PCDHA8: variants seen among roughly 807,000 people sequenced by gnomAD.
The protein encoded by PCDHA8 is protocadherin alpha-8.
A neutral mutation model predicts 61.8 loss-of-function variants in PCDHA8; 53 were observed. That is an observed-to-expected ratio of 0.86 (90% CI 0.69 to 1.08). The LOEUF is 1.08. Among genes scored for constraint, PCDHA8 ranks in the 50% least tolerant of loss-of-function variants. The pLI is 0.00. For synonymous variants in PCDHA8, 618 were observed against 556.6 expected (o/e 1.11, Z -1.55); for missense variants, 1,293 against 1,245.0 (o/e 1.04, Z -0.58).
chr5:140,843,154 G>T lies in PCDHA8; in HGVS notation c.1833G>T (p.Leu611=). The part of the protein sequence containing the change: ...SGYNAWLSYE[L]QPAASSPRIP... ...ACAACGCGTGGCTTTCGTATGAGCT[G>T]CAGCCAGCTGCAAGCAGCCCTCGCA... Residue 611 remains leucine (L), a synonymous_variant, in exon 1 of 4, where the codon CTG becomes CTT. Coordinates refer to ENST00000531613, the MANE Select transcript of PCDHA8 (RefSeq NM_018911.3). 3 of 1,596,128 alleles carry T rather than the reference G, an allele frequency of 1.9e-6. No individual in the cohort carries two copies. The highest frequency in any genetic ancestry group is 2.6e-6 in the Non-Finnish European group (3 of 1,165,614).
intron 3 of PCDHA8, among the ~76,000 whole-genome samples, chr5:140,996,394 G>A (rs2097724789): frequency 6.6e-6 from 1 of 152,192 alleles, no homozygotes; most frequent in Non-Finnish European, 1.5e-5. Context: ...GCCTCATAGA[G>A]TTTCAGGTGG....
chr5:140,883,649 A>T, intron 1 of PCDHA8: 1 of 1,613,516 alleles, frequency 6.2e-7, no homozygotes, highest in South Asian at 1.1e-5. Context: ...GCCCGAGTAC[A>T]CGGTGTTCGT....
At chr5:140,935,358 A>C (rs2090329846) in intron 1 of PCDHA8, among the ~76,000 whole-genome samples, 1 of 152,220 alleles carries the variant, frequency 6.6e-6, no homozygotes, top group East Asian at 1.9e-4. Context: ...CCCAGTTTTC[A>C]TTAACGTCAA....
chr5:140,871,092 C>A (rs575877743), intron 1 of PCDHA8: 2 of 1,613,142 alleles, frequency 1.2e-6, no homozygotes, highest in Admixed American at 1.7e-5. Flanking sequence ...CCACGGCCAC[C>A]GTGCTGGTGT....
intron 3 of PCDHA8, among the ~76,000 whole-genome samples, chr5:141,003,283 G>A (rs1331116001): frequency 3.3e-5 from 5 of 152,188 alleles, no homozygotes; most frequent in African/African-American, 1.2e-4. Flanking sequence ...GCCCAAATTG[G>A]ATTATAGGAT....
At chr5:140,896,451 C>T (rs1173407136) in intron 1 of PCDHA8, among the ~76,000 whole-genome samples, 1 of 152,112 alleles carries the variant, frequency 6.6e-6, no homozygotes, top group Non-Finnish European at 1.5e-5. Flanking sequence ...CAACCTCCAC[C>T]TCCTGGGTTC....
intron 3 of PCDHA8, among the ~76,000 whole-genome samples, chr5:140,987,107 G>A (rs936936352): frequency 6.6e-6 from 1 of 151,876 alleles, no homozygotes; most frequent in Non-Finnish European, 1.5e-5. Flanking sequence ...CCAGCTACTC[G>A]GGAGGCTGAG....
chr5:140,935,957 A>G (rs1427987096), intron 1 of PCDHA8, among the ~76,000 whole-genome samples: 5 of 150,604 alleles, frequency 3.3e-5, no homozygotes, highest in African/African-American at 1.2e-4. Context: ...AAGTGGTACA[A>G]TCTTGGCTCA....
chr5:140,843,106 C>G lies in PCDHA8; in HGVS notation c.1785C>G (p.Arg595=), dbSNP rs1265467066. The G allele has an allele frequency of 1.2e-5, 19 of 1,595,592 alleles. 3 individuals are homozygous for G. The highest frequency in any genetic ancestry group is 1.6e-5 in the Non-Finnish European group (19 of 1,165,474). ...VGAGHVVAKV[R]AVDADSGYNA... is the part of the protein sequence containing the mutation. ...CGGGCCACGTGGTAGCGAAGGTGCG[C>G]GCAGTGGACGCCGACTCGGGCTACA... is the stretch of plus-strand genomic sequence containing the variant. The change falls in exon 1 of 4, where the codon CGC becomes CGG. Residue 595 remains arginine, a synonymous_variant. Transcript: ENST00000531613.
At chr5:140,967,996 C>T in intron 1 of PCDHA8, 2 of 1,614,214 alleles carry the variant, frequency 1.2e-6, no homozygotes, top group Non-Finnish European at 1.7e-6. Flanking sequence ...CACTGCCTTT[C>T]CGACTGAATG....
intron 1 of PCDHA8, chr5:140,877,568 A>G (rs782021677): frequency 1.9e-6 from 3 of 1,613,708 alleles, no homozygotes; most frequent in Non-Finnish European, 1.7e-6. Context: ...ATTAACGTGT[A>G]CCTCATCATC....
intron 1 of PCDHA8, among the ~76,000 whole-genome samples, chr5:140,939,650 A>G (rs1203077314): frequency 1.3e-5 from 2 of 152,228 alleles, no homozygotes; most frequent in African/African-American, 2.4e-5. Flanking sequence ...GAAAACTTCA[A>G]TAACAGGAAT....
chr5:140,848,546 G>A, intron 1 of PCDHA8: 1 of 1,595,440 alleles, frequency 6.3e-7, no homozygotes, highest in Non-Finnish European at 8.6e-7. Context: ...TACTGCTCTC[G>A]CTTCTGATCC....
intron 1 of PCDHA8, chr5:140,928,259 A>G: frequency 6.2e-7 from 1 of 1,614,218 alleles, no homozygotes; most frequent in Non-Finnish European, 8.5e-7. Context: ...TTCGTTGCTG[A>G]AAACAATGGC....
intron 1 of PCDHA8, chr5:140,867,238 T>C (rs2049839993): frequency 1.3e-5 from 2 of 152,118 alleles, no homozygotes; most frequent in African/African-American, 4.8e-5. Context: ...AATAAGGTGA[T>C]TGAGGATCTG....
intron 1 of PCDHA8, among the ~76,000 whole-genome samples, chr5:140,917,003 A>C (rs2077823052): frequency 6.6e-6 from 1 of 151,818 alleles, no homozygotes; most frequent in Non-Finnish European, 1.5e-5. Flanking sequence ...CTGTTCCAAA[A>C]TCTCCCTTCA....
chr5:140,928,736 T>C, intron 1 of PCDHA8: 1 of 1,614,174 alleles, frequency 6.2e-7, no homozygotes, highest in Non-Finnish European at 8.5e-7. Flanking sequence ...TCAGCCAATA[T>C]AGGTGAGCTC....
chr5:140,979,592 T>C (rs1554240865), intron 2 of PCDHA8, among the ~76,000 whole-genome samples: 1 of 152,248 alleles, frequency 6.6e-6, no homozygotes, highest in African/African-American at 2.4e-5. Flanking sequence ...CTAGCTTACT[T>C]TAAATTAACC....
intron 1 of PCDHA8, chr5:140,860,566 A>G (rs1385735814): frequency 6.6e-6 from 1 of 152,224 alleles, no homozygotes; most frequent in Non-Finnish European, 1.5e-5. Context: ...GGTACTGATC[A>G]TACACAAGAA....
Sources: allele counts gnomAD v4.1 joint callset (sites outside exome capture counted in the v4.1 genomes callset), GRCh38; gene constraint gnomAD v4.1.1; transcripts MANE v1.5; gene names NCBI Gene and HGNC (gene_info 2026-07-23, HGNC 2026-07-21).